The following FARP2 variants were observed in gnomAD, a reference collection of about 807,000 sequenced individuals.
The protein encoded by FARP2 is FERM, ARHGEF and pleckstrin domain-containing protein 2.
In FARP2, 111 loss-of-function variants were observed where a neutral mutation model predicts 130.5. The ratio of observed to expected loss-of-function variants is 0.85; its 90% CI spans 0.73 to 1.00. The LOEUF (loss-of-function observed/expected upper bound fraction) is 1.00. Ranked by LOEUF, FARP2 falls within the 50% of genes least tolerant of loss-of-function variation. FARP2 has a pLI of 0.00. For missense variants in FARP2, 1,385 were observed against 1,346.3 expected (o/e 1.03, Z -0.45); for synonymous variants, 504 against 516.9 (o/e 0.98, Z 0.34).
chr2:241,463,449 G>A lies in FARP2; in HGVS notation c.1792G>A (p.Glu598Lys), dbSNP rs767846767. The A allele has an allele frequency of 6.2e-7, 1 of 1,613,880 alleles. No individual in the cohort carries two copies. Among genetic ancestry groups the A allele is most frequent in the Non-Finnish European group, 8.5e-7 (1 of 1,180,030 alleles). ...CCACAGAGGCTTCCTGCGCGAGGTG[G>A]AGCAGAGGCTGGCACTCTGGTAACA... is the stretch of plus-strand genomic sequence containing the variant. Reference protein sequence around the residue: ...EFHRGFLREVEQRLALWEGPS... With the variant: ...EFHRGFLREVKQRLALWEGPS... The change falls in exon 16 of 27, where the codon GAG becomes AAG. Residue 598 changes from glutamate (E) to lysine (K), a missense_variant. Coordinates refer to ENST00000264042, the MANE Select transcript of FARP2 (RefSeq NM_014808.4).
At position 241,482,815 on chromosome 2, in the gene FARP2, G is replaced by A. The variant is rs2124883970; in HGVS notation, c.2263-650G>A. Among the ~76,000 whole-genome samples the A allele has an allele frequency of 2.6e-5, 4 of 152,254 alleles. 1 individual carries two copies. The Middle Eastern group carries it at 0.01, about 388-fold the overall frequency. Reference sequence around the variant, plus strand: ...AGAGCAGTCCAGGTTAGGAATCTGAGGGGCTCCCAGGACTCTCGCTTACCC... The same window carrying A: ...AGAGCAGTCCAGGTTAGGAATCTGAAGGGCTCCCAGGACTCTCGCTTACCC... On this transcript the variant is annotated intron_variant, in intron 19 of 26. Coordinates refer to ENST00000264042, the MANE Select transcript of FARP2 (RefSeq NM_014808.4). This position sits in a 1 kb window ranked among gnomAD's most constrained non-coding sequence, Gnocchi z 4.6.
At chr2:241,493,911 C>T (rs2065029607) in intron 26 of FARP2, 97 bp from the exon 27 acceptor site, 2 of 779,380 alleles carry the variant, frequency 2.6e-6, no homozygotes, top group East Asian at 2.9e-5. Context: ...GTTTTTAACC[C>T]TTCTTTTGTC....
At chr2:241,465,107 C>T (rs1057238395) in intron 17 of FARP2, among the ~76,000 whole-genome samples, 1 of 152,160 alleles carries the variant, frequency 6.6e-6, no homozygotes, top group African/African-American at 2.4e-5. Context: ...ACATTGTTCT[C>T]TTCAGAACCT....
chr2:241,481,019 G>A (rs1370001459), intron 19 of FARP2, among the ~76,000 whole-genome samples: 1 of 136,986 alleles, frequency 7.3e-6, no homozygotes, highest in Non-Finnish European at 1.5e-5. Context: ...AGGAGATTGA[G>A]ACTAGCCTGG....
chr2:241,493,467 T>A, intron 26 of FARP2, 23 bp downstream of exon 26: 2 of 1,610,062 alleles, frequency 1.2e-6, no homozygotes, highest in Non-Finnish European at 1.7e-6. Context: ...GAGGCAGCCC[T>A]GGTCAGCTGC....
intron 2 of FARP2, chr2:241,395,611 T>C (rs2062011748): frequency 6.6e-6 from 1 of 152,256 alleles, no homozygotes; most frequent in Admixed American, 6.5e-5. Flanking sequence ...CACTGCCTGC[T>C]ACTTCTGGTC....
chr2:241,478,044 T>C (rs934018486), intron 19 of FARP2: 1 of 152,284 alleles, frequency 6.6e-6, no homozygotes, highest in African/African-American at 2.4e-5. Flanking sequence ...TGGGTTGTCT[T>C]TTCACTGTCT....
At chr2:241,386,959 C>T (rs1396555653) in intron 2 of FARP2, among the ~76,000 whole-genome samples, 1 of 152,182 alleles carries the variant, frequency 6.6e-6, no homozygotes, top group Non-Finnish European at 1.5e-5. Flanking sequence ...CCAAGGTCCC[C>T]TTGCTTTTTT....
Position 241,366,108 on chromosome 2 carries a change from T to TATATATATATATACGTATATATATATAC in FARP2, c.-24-6949_-24-6948insCATATATATATATACGTATATATATATA, listed in dbSNP as rs2061303481. On this transcript the variant is annotated intron_variant, in intron 1 of 26. Coordinates refer to ENST00000264042, the MANE Select transcript of FARP2 (RefSeq NM_014808.4). Reference sequence around the variant, plus strand: ...CATCACTACTAAAAAAAAAAAAATATATATATATATATACGTATATATATA... The same window carrying TATATATATATATACGTATATATATATAC: ...CATCACTACTAAAAAAAAAAAAATATATATATATATATACGTATATATATATACATATATATATATACGTATATATATA... Among the ~76,000 whole-genome samples, 4 of 34,264 alleles carry TATATATATATATACGTATATATATATAC rather than the reference T, an allele frequency of 1.2e-4. No homozygotes were observed. The South Asian group carries it at 3.2e-3, about 28-fold the overall frequency. The allele number at this position is 34,264 out of a possible 152,430, so 22.5% of individuals were successfully genotyped here. A position where few individuals can be genotyped will look rare whatever the true frequency, so the allele number is the denominator to read the frequency against.
At chr2:241,460,936 AGGGTGCTATCCCTTCACAGCT>A (rs1050450454) in intron 14 of FARP2, among the ~76,000 whole-genome samples, 1 of 152,196 alleles carries the variant, frequency 6.6e-6, no homozygotes, top group Non-Finnish European at 1.5e-5. Flanking sequence ...AGTAGACTGT[AGGGTGCTATCCCTTCACAGCT>A]GGCTATATCC....
At chr2:241,417,892 C>G (rs1266516853) in intron 7 of FARP2, 70 bp from the exon 8 acceptor site, 1 of 1,543,568 alleles carries the variant, frequency 6.5e-7, no homozygotes, top group Admixed American at 1.7e-5. Flanking sequence ...CTGATCGCTT[C>G]TATAATGCAT....
At chr2:241,491,983 C>T (rs574341496) in intron 24 of FARP2, among the ~76,000 whole-genome samples, 31 of 152,248 alleles carry the variant, frequency 2.0e-4, no homozygotes, top group African/African-American at 7.2e-4. Context: ...TCCCCTGCAG[C>T]CCCCCGTCCC....
chr2:241,466,242 C>T, intron 17 of FARP2: 1 of 985,460 alleles, frequency 1.0e-6, no homozygotes, highest in Non-Finnish European at 1.2e-6. Flanking sequence ...CCCTACAGTG[C>T]AAGTGTGGTC....
chr2:241,425,634 T>TAAAAA (rs1167925220), intron 8 of FARP2, among the ~76,000 whole-genome samples: 2 of 45,952 alleles, frequency 4.4e-5, no homozygotes, highest in African/African-American at 8.9e-5. Flanking sequence ...TCCTACCAAG[T>TAAAAA]AAAAAAAAAA....
intron 26 of FARP2, chr2:241,493,788 G>A (rs1185706982): frequency 4.1e-6 from 2 of 485,444 alleles, no homozygotes; most frequent in East Asian, 6.9e-5. Flanking sequence ...GTAGAGACAG[G>A]GTTTCACCAT....
At chr2:241,488,301 C>G (rs1352858200) in intron 21 of FARP2, 2 of 152,000 alleles carry the variant, frequency 1.3e-5, no homozygotes, top group African/African-American at 4.8e-5. Context: ...GGGTTTCTAT[C>G]CTTAGTATGG....
At chr2:241,490,357 G>C (rs1321200127) in intron 22 of FARP2, among the ~76,000 whole-genome samples, 1 of 152,186 alleles carries the variant, frequency 6.6e-6, no homozygotes, top group African/African-American at 2.4e-5. Context: ...GGCTCCTGTG[G>C]TCTCCCAGGG....
rs2065060095 is a variant in FARP2 at position 241,494,769 on chromosome 2, C to T, written c.*644C>T. On this transcript the variant is annotated 3_prime_UTR_variant, in exon 27 of 27. Transcript: ENST00000264042. The surrounding 1 kb of genome is among the most constrained non-coding windows in gnomAD (Gnocchi z 4.9). ...AATTTATTACTGCCCAGCATTCCTT[C>T]CAACGGGAAGTAGATGGGCGACTGC... 1 of 152,240 alleles carries T rather than the reference C, an allele frequency of 6.6e-6. No individual in the cohort carries two copies. Among genetic ancestry groups the T allele is most frequent in the African/African-American group, 2.4e-5 (1 of 41,446 alleles). The allele number at this position is 152,240 out of a possible 1,614,324, so 9.4% of individuals were successfully genotyped here. A position where few individuals can be genotyped will look rare whatever the true frequency, so the allele number is the denominator to read the frequency against.
At chr2:241,383,251 C>T (rs957138505) in intron 2 of FARP2, among the ~76,000 whole-genome samples, 30 of 152,192 alleles carry the variant, frequency 2.0e-4, no homozygotes, top group African/African-American at 4.8e-4. Flanking sequence ...GGGAGCTCAA[C>T]AGTGGACAAG....
Sources: gnomAD v4.1 joint callset for allele counts (sites outside exome capture counted in the v4.1 genomes callset) on GRCh38, gnomAD v4.1.1 for gene constraint, Gnocchi (gnomAD v3.1) non-coding constraint, MANE v1.5 for transcripts, NCBI Gene and HGNC (gene_info 2026-07-23, HGNC 2026-07-21) for gene names.